SLC9A2: variants seen among roughly 807,000 people sequenced by gnomAD.
SLC9A2 encodes the protein solute carrier family 9 member A2.
A neutral mutation model predicts 71.7 loss-of-function variants in SLC9A2; 42 were observed. The observed-to-expected ratio is 0.59, with a 90% CI of 0.46 to 0.76. The LOEUF is 0.76. Among genes scored for constraint, SLC9A2 ranks in the 30% least tolerant of loss-of-function variants. SLC9A2 has a pLI of 0.00. For missense variants in SLC9A2, 829 were observed against 1,017.4 expected (o/e 0.81, Z 2.52); for synonymous variants, 396 against 392.5 (o/e 1.01, Z -0.10).
At position 102,687,980 on chromosome 2, in the gene SLC9A2, G is replaced by A. The variant is rs896468558; in HGVS notation, c.1425+3644G>A. ...TTTTTAGTAGAGATGCGGTTTCGCTGTGTTCGCCAGGCTGGTCTTGAATTC... is the reference window on the plus strand; with the variant it reads ...TTTTTAGTAGAGATGCGGTTTCGCTATGTTCGCCAGGCTGGTCTTGAATTC... On this transcript the variant is annotated intron_variant, in intron 5 of 11. Transcript: ENST00000233969. Among the ~76,000 whole-genome samples, 54 of 152,058 alleles carry A rather than the reference G, an allele frequency of 3.6e-4. 1 individual carries two copies. The highest frequency in any genetic ancestry group is 4.3e-4 in the Non-Finnish European group (29 of 67,992).
chr2:102,692,077 T>C (rs984368550), intron 5 of SLC9A2, among the ~76,000 whole-genome samples: 3 of 152,266 alleles, frequency 2.0e-5, no homozygotes, highest in Non-Finnish European at 4.4e-5. Context: ...AATTCTCCCA[T>C]CTCTGCGAAC....
At chr2:102,694,895 A>G (rs1677724617) in intron 6 of SLC9A2, 148 bp from the exon 7 acceptor site, 1 of 647,662 alleles carries the variant, frequency 1.5e-6, no homozygotes, top group Non-Finnish European at 2.7e-6. Flanking sequence ...TTTGAAAATG[A>G]ACTGTTTTAT....
intron 1 of SLC9A2, among the ~76,000 whole-genome samples, chr2:102,652,259 A>C (rs761462110): frequency 6.6e-6 from 1 of 152,172 alleles, no homozygotes; most frequent in African/African-American, 2.4e-5. Flanking sequence ...CTGTCACTCC[A>C]TGGGCAGAAG....
chr2:102,660,806 G>T (rs1287005398), intron 2 of SLC9A2, among the ~76,000 whole-genome samples: 1 of 152,158 alleles, frequency 6.6e-6, no homozygotes, highest in Non-Finnish European at 1.5e-5. Flanking sequence ...TAAAAATACG[G>T]ACCATGATGC....
At chr2:102,666,218 C>T (rs558019020) in intron 3 of SLC9A2, among the ~76,000 whole-genome samples, 5 of 93,276 alleles carry the variant, frequency 5.4e-5, no homozygotes, top group Admixed American at 3.3e-4. Context: ...TTTTTTGAGG[C>T]GGAGTCTCGC....
At chr2:102,702,741 A>G (rs894837294) in intron 9 of SLC9A2, among the ~76,000 whole-genome samples, 2 of 152,220 alleles carry the variant, frequency 1.3e-5, no homozygotes, top group Non-Finnish European at 2.9e-5. Context: ...GGATACAAAG[A>G]AATACACGTT....
chr2:102,620,186 A>T, intron 1 of SLC9A2, 49 bp downstream of exon 1: 3 of 1,522,412 alleles, frequency 2.0e-6, no homozygotes, highest in Non-Finnish European at 2.7e-6. Context: ...TCTCGGGGGG[A>T]CACCTGGAGG....
chr2:102,681,163 C>A (rs951294634), intron 3 of SLC9A2, among the ~76,000 whole-genome samples: 2 of 152,204 alleles, frequency 1.3e-5, no homozygotes, highest in African/African-American at 4.8e-5. Context: ...GCTTGGTGGG[C>A]AGGGAAGACC....
intron 3 of SLC9A2, among the ~76,000 whole-genome samples, chr2:102,676,164 T>C (rs763232751): frequency 5.9e-5 from 9 of 152,226 alleles, no homozygotes; most frequent in Non-Finnish European, 1.0e-4. Context: ...GATTGTTGCA[T>C]GCAGGTTTCA....
At chr2:102,706,926 C>A (rs941418751) in intron 11 of SLC9A2, among the ~76,000 whole-genome samples, 33 of 152,208 alleles carry the variant, frequency 2.2e-4, no homozygotes, top group African/African-American at 7.2e-4. Flanking sequence ...TGTCTGTGAA[C>A]CCCAGAAGAA....
intron 1 of SLC9A2, among the ~76,000 whole-genome samples, chr2:102,639,562 G>A (rs1003546300): frequency 2.0e-5 from 3 of 152,210 alleles, no homozygotes; most frequent in African/African-American, 7.2e-5. Flanking sequence ...CAGTGCTTAT[G>A]CAGTCACAGC....
chr2:102,655,495 T>C (rs1676921744), intron 1 of SLC9A2, among the ~76,000 whole-genome samples: 1 of 152,188 alleles, frequency 6.6e-6, no homozygotes, highest in Non-Finnish European at 1.5e-5. Flanking sequence ...AAAAATAGTT[T>C]GTTGATATTT....
chr2:102,651,748 A>G (rs1040237445), intron 1 of SLC9A2, among the ~76,000 whole-genome samples: 1 of 152,206 alleles, frequency 6.6e-6, no homozygotes, highest in African/African-American at 2.4e-5. Flanking sequence ...TGTTTAACAC[A>G]TTGCTACACC....
At chr2:102,633,498 C>T (rs528592979) in intron 1 of SLC9A2, among the ~76,000 whole-genome samples, 36 of 152,262 alleles carry the variant, frequency 2.4e-4, no homozygotes, top group Admixed American at 9.2e-4. Flanking sequence ...TGTAAAATCA[C>T]GCAATAATAA....
intron 1 of SLC9A2, among the ~76,000 whole-genome samples, chr2:102,639,738 A>G (rs1301953130): frequency 1.3e-5 from 2 of 151,888 alleles, no homozygotes; most frequent in African/African-American, 2.4e-5. Context: ...GGTAAACTCT[A>G]TTCTGCTTTC....
intron 3 of SLC9A2, among the ~76,000 whole-genome samples, chr2:102,682,984 C>A (rs907665332): frequency 6.6e-6 from 1 of 152,152 alleles, no homozygotes; most frequent in Non-Finnish European, 1.5e-5. Flanking sequence ...GTGTCGACGT[C>A]CATAGACCTT....
At chr2:102,625,925 A>C (rs1313169658) in intron 1 of SLC9A2, among the ~76,000 whole-genome samples, 4 of 152,220 alleles carry the variant, frequency 2.6e-5, no homozygotes, top group Admixed American at 2.0e-4. Context: ...GAACTAGTTT[A>C]CAGTCCCACC....
chr2:102,692,981 G>T (rs1302724805), intron 5 of SLC9A2, among the ~76,000 whole-genome samples: 2 of 151,400 alleles, frequency 1.3e-5, no homozygotes, highest in Admixed American at 6.6e-5. Flanking sequence ...TATCTATATA[G>T]AATACTAGTG....
rs147104481 is a variant in SLC9A2, at chr2:102,664,724, C to A, written c.754-376C>A. Among the ~76,000 whole-genome samples, 713 of 152,194 alleles carry A rather than the reference C, an allele frequency of 4.7e-3. 7 individuals are homozygous for A. The highest frequency in any genetic ancestry group is 0.017 in the African/African-American group (691 of 41,524). On this transcript the variant is annotated intron_variant, in intron 2 of 11. Transcript: ENST00000233969. ...CAGCACTGATAAGCTTTCTCACTGTCATATTACTTACCAAGCAATGGTAAC... is the reference window on the plus strand; with the variant it reads ...CAGCACTGATAAGCTTTCTCACTGTAATATTACTTACCAAGCAATGGTAAC...
Sources: allele counts gnomAD v4.1 joint callset (sites outside exome capture counted in the v4.1 genomes callset), GRCh38; gene constraint gnomAD v4.1.1; transcripts MANE v1.5; gene names NCBI Gene and HGNC (gene_info 2026-07-23, HGNC 2026-07-21).